ADGRB3: variants seen among roughly 807,000 people sequenced by gnomAD.
ADGRB3 encodes the protein brain-specific angiogenesis inhibitor 3.
Under a neutral mutation model 193.4 loss-of-function variants are expected in ADGRB3, and 37 were observed. That is an observed-to-expected ratio of 0.19 (90% CI 0.15 to 0.25). The LOEUF is 0.25. ADGRB3 is among the 10% of genes least tolerant of loss of function. The probability of loss-of-function intolerance (pLI) is 1.00; values close to 1 mark genes in which losing one functional copy is unlikely to be tolerated. For missense variants in ADGRB3, 1,637 were observed against 1,852.9 expected (o/e 0.88, Z 2.14); for synonymous variants, 690 against 644.2 (o/e 1.07, Z -1.08).
At chr6:69,345,435 G>C (rs545427433) in intron 26 of ADGRB3, among the ~76,000 whole-genome samples, 1 of 152,146 alleles carries the variant, frequency 6.6e-6, no homozygotes, top group Admixed American at 6.5e-5. Context: ...TGGGATGCAA[G>C]TCTGGTTCAA....
chr6:68,941,866 G>T (rs1767652359), intron 5 of ADGRB3, among the ~76,000 whole-genome samples: 1 of 150,590 alleles, frequency 6.6e-6, no homozygotes, highest in Non-Finnish European at 1.5e-5. Flanking sequence ...TATGTGGGTA[G>T]TATATGCATC....
intron 3 of ADGRB3, among the ~76,000 whole-genome samples, chr6:68,768,765 T>C (rs1487651300): frequency 6.6e-6 from 1 of 151,648 alleles, no homozygotes; most frequent in African/African-American, 2.4e-5. Context: ...ACCTACAGAA[T>C]GGGAGAAAGT....
At chr6:68,670,097 C>T (rs1439976613) in intron 3 of ADGRB3, among the ~76,000 whole-genome samples, 1 of 151,892 alleles carries the variant, frequency 6.6e-6, no homozygotes, top group Non-Finnish European at 1.5e-5. Context: ...AAATCTTTTG[C>T]CCATTTTTTG....
chr6:69,318,117 A>G (rs1025430029), intron 20 of ADGRB3, among the ~76,000 whole-genome samples: 2 of 151,362 alleles, frequency 1.3e-5, no homozygotes, highest in African/African-American at 4.8e-5. Context: ...TGTACAACTT[A>G]GAATAATAGA....
At chr6:69,141,844 A>G (rs1774350285) in intron 17 of ADGRB3, among the ~76,000 whole-genome samples, 1 of 152,210 alleles carries the variant, frequency 6.6e-6, no homozygotes, top group African/African-American at 2.4e-5. Flanking sequence ...ATTTTAAGAT[A>G]AGAAAATAAA....
chr6:69,309,021 G>A lies in ADGRB3; in HGVS notation c.2815-15851G>A, dbSNP rs148279291. On this transcript the variant is annotated intron_variant, in intron 20 of 31. Coordinates refer to ENST00000370598, the MANE Select transcript of ADGRB3 (RefSeq NM_001704.3). The stretch of plus-strand genomic sequence containing the variant: ...CAGTTCTGTTATGAGAACAAGGAAA[G>A]AACAAATATTGAGGGAAGCCAGTCA... Among the ~76,000 whole-genome samples the A allele has an allele frequency of 2.6e-5, 4 of 151,798 alleles. No individual in the cohort carries two copies. The South Asian group carries it at 6.2e-4, about 24-fold the overall frequency.
chr6:69,052,323 T>C (rs1771423107), intron 15 of ADGRB3, among the ~76,000 whole-genome samples: 1 of 152,260 alleles, frequency 6.6e-6, no homozygotes, highest in African/African-American at 2.4e-5. Flanking sequence ...TTTTACTATA[T>C]GTTTGTGTGA....
intron 5 of ADGRB3, among the ~76,000 whole-genome samples, chr6:68,941,407 C>G (rs893105860): frequency 6.6e-6 from 1 of 152,012 alleles, no homozygotes; most frequent in African/African-American, 2.4e-5. Flanking sequence ...GCCATAAAGA[C>G]TGTTAGAAAG....
At chr6:69,250,807 T>G (rs1013530931) in intron 20 of ADGRB3, among the ~76,000 whole-genome samples, 16 of 152,218 alleles carry the variant, frequency 1.1e-4, no homozygotes, top group Non-Finnish European at 2.1e-4. Context: ...CAGCCTAGTG[T>G]TCTTTTACAG....
intron 6 of ADGRB3, among the ~76,000 whole-genome samples, chr6:68,949,593 A>G (rs1401080435): frequency 6.6e-6 from 1 of 152,150 alleles, no homozygotes; most frequent in Non-Finnish European, 1.5e-5. Context: ...AAGATTCTCA[A>G]CATTTGCTGG....
Position 69,239,226 on chromosome 6 carries a change from G to T in ADGRB3, c.2814G>T (p.Lys938Asn). Residue 938 changes from lysine (K) to asparagine (N), a missense_variant and splice_region_variant, in exon 20 of 32, where the codon AAG (lysine) becomes AAT (asparagine). Physicochemically the swap from Lys to Asn is moderately conservative, Grantham distance 94. Transcript: ENST00000370598. ...TTGGACAGACTCAGACACATAATAA[G>T]GTATGACTGGTAATTATTCTGATTC... ...ILVGQTQTHN[K>N]SICTTTTAFL... 6.6e-7 allele frequency: 1 copy of T among 1,512,436 alleles called. No individual in the cohort carries two copies. Among genetic ancestry groups the T allele is most frequent in the Non-Finnish European group, 9.1e-7 (1 of 1,096,156 alleles). 93.7% of individuals were successfully genotyped at this position (1,512,436 alleles called of 1,614,324 possible). A position where few individuals can be genotyped will look rare whatever the true frequency, so the allele number is the denominator to read the frequency against.
At chr6:68,784,096 T>C (rs1436590021) in intron 3 of ADGRB3, among the ~76,000 whole-genome samples, 4 of 152,168 alleles carry the variant, frequency 2.6e-5, no homozygotes, top group African/African-American at 9.6e-5. Flanking sequence ...TGTAGTTCTA[T>C]AATTATATAC....
intron 24 of ADGRB3, among the ~76,000 whole-genome samples, chr6:69,337,252 T>C (rs969267428): frequency 9.8e-5 from 15 of 152,328 alleles, no homozygotes; most frequent in African/African-American, 2.6e-4. Flanking sequence ...GTGAACACCA[T>C]ACAGCCTATC....
intron 3 of ADGRB3, among the ~76,000 whole-genome samples, chr6:68,704,817 T>C (rs1002360735): frequency 5.9e-5 from 9 of 152,182 alleles, no homozygotes; most frequent in Admixed American, 5.2e-4. Context: ...AGGTATAGTT[T>C]TGTGTCAAAT....
At chr6:69,034,517 T>G (rs1266134063) in intron 13 of ADGRB3, among the ~76,000 whole-genome samples, 1 of 148,948 alleles carries the variant, frequency 6.7e-6, no homozygotes, top group East Asian at 1.9e-4. Context: ...CTATATAAAA[T>G]TTATATAGCT....
At chr6:69,306,618 G>A (rs1206890568) in intron 20 of ADGRB3, among the ~76,000 whole-genome samples, 1 of 151,504 alleles carries the variant, frequency 6.6e-6, no homozygotes, top group African/African-American at 2.4e-5. Context: ...CATTTGCTTA[G>A]CAAGTAAGTG....
intron 6 of ADGRB3, among the ~76,000 whole-genome samples, chr6:68,945,671 G>A (rs1767757667): frequency 6.6e-6 from 1 of 151,934 alleles, no homozygotes; most frequent in Non-Finnish European, 1.5e-5. Flanking sequence ...TATGTCAGCT[G>A]GACTTCATAA....
intron 3 of ADGRB3, among the ~76,000 whole-genome samples, chr6:68,656,752 A>G (rs1049636175): frequency 2.0e-5 from 3 of 151,530 alleles, no homozygotes; most frequent in African/African-American, 2.4e-5. Context: ...TTTCGGCTTC[A>G]TATTCACATA....
chr6:69,123,281 A>G (rs1167209956), intron 17 of ADGRB3, among the ~76,000 whole-genome samples: 1 of 152,180 alleles, frequency 6.6e-6, no homozygotes, highest in Admixed American at 6.5e-5. Context: ...AGAGTTAGAA[A>G]CAGTAAAATA....
Sources: allele counts gnomAD v4.1 joint callset (sites outside exome capture counted in the v4.1 genomes callset), GRCh38; gene constraint gnomAD v4.1.1; transcripts MANE v1.5; gene names NCBI Gene and HGNC (gene_info 2026-07-23, HGNC 2026-07-21).